BET1: variants seen among roughly 807,000 people sequenced by gnomAD.
The protein encoded by BET1 is BET1 homolog.
A neutral mutation model predicts 13.9 loss-of-function variants in BET1; 9 were observed. The ratio of observed to expected loss-of-function variants is 0.65; its 90% CI spans 0.39 to 1.13. The LOEUF (loss-of-function observed/expected upper bound fraction) is 1.13. Ranked by LOEUF, BET1 falls within the 50% of genes most tolerant of loss-of-function variation. The pLI is 0.01. For missense variants in BET1, 127 were observed against 133.6 expected (o/e 0.95, Z 0.24); for synonymous variants, 39 against 47.3 (o/e 0.82, Z 0.72).
At chr7:93,977,971 C>G (rs1795367502) in intron 4 of BET1, among the ~76,000 whole-genome samples, 1 of 152,104 alleles carries the variant, frequency 6.6e-6, no homozygotes, top group South Asian at 2.1e-4. Context: ...CAAATTCAAG[C>G]TCCTTACTAG....
downstream of BET1, among the ~76,000 whole-genome samples, chr7:93,988,661 C>T (rs112904228): frequency 4.0e-3 from 602 of 152,206 alleles, 4 homozygotes; most frequent in African/African-American, 0.014. Context: ...AACACTCGTA[C>T]ACTTAATTAA....
chr7:93,967,902 AC>A (rs1795200287), intron 6 of BET1, among the ~76,000 whole-genome samples: 1 of 151,830 alleles, frequency 6.6e-6, no homozygotes, highest in Non-Finnish European at 1.5e-5. Context: ...CATAAAGGAA[AC>A]AACCAAATTT....
intron 3 of BET1, among the ~76,000 whole-genome samples, chr7:93,995,429 T>G (rs1795742900): frequency 6.6e-6 from 1 of 152,232 alleles, no homozygotes; most frequent in Admixed American, 6.5e-5. Flanking sequence ...AGTGTCTATG[T>G]GGCTCATATA....
intron 1 of BET1, among the ~76,000 whole-genome samples, chr7:94,003,120 G>A (rs1328288152): frequency 2.6e-5 from 4 of 151,862 alleles, no homozygotes; most frequent in African/African-American, 7.3e-5. Context: ...TTGGTATTAA[G>A]GATGATGAAC....
At chr7:93,968,882 G>T (rs1173629908) in intron 6 of BET1, among the ~76,000 whole-genome samples, 1 of 151,734 alleles carries the variant, frequency 6.6e-6, no homozygotes, top group African/African-American at 2.4e-5. Flanking sequence ...AGAAGTTTTT[G>T]ATTCTTATGA....
chr7:93,974,816 A>G (rs549486921), intron 5 of BET1, among the ~76,000 whole-genome samples: 1 of 152,180 alleles, frequency 6.6e-6, no homozygotes, highest in African/African-American at 2.4e-5. Context: ...CTTACAAAAT[A>G]TTTATTAATT....
intron 3 of BET1, 45 bp downstream of exon 3, chr7:93,996,220 G>T: frequency 2.2e-6 from 3 of 1,346,116 alleles, no homozygotes; most frequent in Non-Finnish European, 3.1e-6. Flanking sequence ...TATTATTTGC[G>T]AATATTAGAT....
At chr7:93,990,093 A>C (rs1795603439), downstream of BET1, among the ~76,000 whole-genome samples, 1 of 151,908 alleles carries the variant, frequency 6.6e-6, no homozygotes, top group Non-Finnish European at 1.5e-5. Flanking sequence ...ATTTTGAAAT[A>C]AGTTAAATAT....
intron 3 of BET1, 41 bp from the exon 4 acceptor site, chr7:93,994,426 C>T: frequency 6.3e-7 from 1 of 1,576,428 alleles, no homozygotes; most frequent in Non-Finnish European, 8.7e-7. Context: ...CAGTTAGATT[C>T]TAAGAGTCTA....
chr7:93,994,791 G>A (rs1584142934), intron 3 of BET1, among the ~76,000 whole-genome samples: 1 of 152,204 alleles, frequency 6.6e-6, no homozygotes, highest in Non-Finnish European at 1.5e-5. Context: ...TGCTACCCAA[G>A]TAGAGGATTT....
At chr7:93,982,506 G>C (rs541359425) in intron 4 of BET1, among the ~76,000 whole-genome samples, 4 of 152,186 alleles carry the variant, frequency 2.6e-5, no homozygotes, top group Admixed American at 6.5e-5. Flanking sequence ...TGTTGGGCTT[G>C]GATAATAAAG....
intron 4 of BET1, among the ~76,000 whole-genome samples, chr7:93,977,828 T>C (rs1322838749): frequency 6.6e-6 from 1 of 152,132 alleles, no homozygotes; most frequent in African/African-American, 2.4e-5. Flanking sequence ...ACACTTTCTT[T>C]AATGACCACC....
intron 4 of BET1, among the ~76,000 whole-genome samples, chr7:93,987,716 A>T (rs1325426593): frequency 6.6e-6 from 1 of 152,206 alleles, no homozygotes; most frequent in Non-Finnish European, 1.5e-5. Flanking sequence ...TTCTGAGTTT[A>T]GAGAAAAAAA....
At chr7:93,996,156 G>A (rs767250597) in intron 3 of BET1, 109 bp downstream of exon 3, 16 of 810,868 alleles carry the variant, frequency 2.0e-5, no homozygotes, top group African/African-American at 3.6e-5. Flanking sequence ...ACAAATGGAC[G>A]GGAATCAAGG....
chr7:93,998,408 C>T (rs913427804), intron 2 of BET1, among the ~76,000 whole-genome samples: 1 of 151,916 alleles, frequency 6.6e-6, no homozygotes, highest in Admixed American at 6.6e-5. Context: ...CTAAGAAAAC[C>T]AGGGGATAGG....
At chr7:93,987,245 G>A (rs1171914094) in intron 4 of BET1, 1 of 152,070 alleles carries the variant, frequency 6.6e-6, no homozygotes, top group African/African-American at 2.4e-5. Context: ...TCAGCCACTT[G>A]CCGCTTGAGA....
intron 4 of BET1, among the ~76,000 whole-genome samples, chr7:93,980,292 C>A (rs1267441694): frequency 2.0e-5 from 3 of 152,116 alleles, no homozygotes; most frequent in Non-Finnish European, 4.4e-5. Flanking sequence ...CAGCATTATC[C>A]TGACACCAAA....
At chr7:93,998,030 C>T (rs991477093) in intron 2 of BET1, among the ~76,000 whole-genome samples, 1 of 151,978 alleles carries the variant, frequency 6.6e-6, no homozygotes, top group African/African-American at 2.4e-5. Context: ...ATAAGCAGCA[C>T]TTCAGTTGAT....
chr7:93,969,121 T>A (rs1165232973), intron 6 of BET1, among the ~76,000 whole-genome samples: 1 of 151,874 alleles, frequency 6.6e-6, no homozygotes, highest in Admixed American at 6.6e-5. Context: ...GAAACGCTTG[T>A]GTCACTGGTT....
Sources: gnomAD v4.1 joint callset for allele counts (sites outside exome capture counted in the v4.1 genomes callset) on GRCh38, gnomAD v4.1.1 for gene constraint, MANE v1.5 for transcripts, NCBI Gene and HGNC (gene_info 2026-07-23, HGNC 2026-07-21) for gene names.